The following AMOTL1 variants were observed in gnomAD, a reference collection of about 807,000 sequenced individuals.
AMOTL1 encodes angiomotin-like protein 1.
Under a neutral mutation model 102.9 loss-of-function variants are expected in AMOTL1, and 45 were observed. That is an observed-to-expected ratio of 0.44 (90% CI 0.34 to 0.56). AMOTL1 has a LOEUF of 0.56. Ranked by LOEUF, AMOTL1 falls within the 20% of genes least tolerant of loss-of-function variation. The pLI, the probability that AMOTL1 is intolerant of heterozygous loss-of-function variation, is 0.01. For missense variants in AMOTL1, 1,114 were observed against 1,225.6 expected, an observed-to-expected ratio of 0.91 and a Z score of 1.36; for synonymous variants, 481 against 484.7, an observed-to-expected ratio of 0.99 and a Z score of 0.10.
intron 8 of AMOTL1, among the ~76,000 whole-genome samples, chr11:94,858,013 G>C (rs771418549): frequency 8.5e-5 from 13 of 152,132 alleles, no homozygotes; most frequent in Non-Finnish European, 1.5e-4. Flanking sequence ...CTGAATTAGG[G>C]GGGGCTATGA....
In AMOTL1 at chr11:94,821,840, G is replaced by A; in HGVS notation, c.1413+19G>A. The A allele has an allele frequency of 1.2e-6, 2 of 1,607,872 alleles. No homozygotes were observed. The highest frequency in any genetic ancestry group is 1.7e-5 in the Admixed American group (1 of 59,782). On this transcript the variant is annotated intron_variant, in intron 4 of 12. Coordinates refer to ENST00000433060, the MANE Select transcript of AMOTL1 (RefSeq NM_130847.3). ...CCACAAGGTGCGTGACTTCCCTGGGGAATGGGAGGGAGACAAATTCTTTAC... is the reference window on the plus strand; with the variant it reads ...CCACAAGGTGCGTGACTTCCCTGGGAAATGGGAGGGAGACAAATTCTTTAC...
At chr11:94,734,072 C>A (rs1950398722) in intron 2 of AMOTL1, among the ~76,000 whole-genome samples, 1 of 152,348 alleles carries the variant, frequency 6.6e-6, no homozygotes. Context: ...TTGTTGATAG[C>A]ACCTCCTGCA....
chr11:94,858,512 G>A (rs1273503323), intron 8 of AMOTL1, among the ~76,000 whole-genome samples: 2 of 152,134 alleles, frequency 1.3e-5, no homozygotes, highest in East Asian at 1.9e-4. Context: ...CTTAATCTAG[G>A]GGATTATGTG....
At chr11:94,737,261 C>T (rs2851575) in intron 2 of AMOTL1, among the ~76,000 whole-genome samples, 143,856 of 152,306 alleles carry the variant, frequency 0.94, 68,455 homozygotes, top group East Asian at 1. Flanking sequence ...AGTAACCAGC[C>T]TTCAAGCCAA....
upstream of AMOTL1, chr11:94,768,249 C>T: frequency 1.7e-6 from 2 of 1,204,062 alleles, no homozygotes; most frequent in Non-Finnish European, 2.1e-6. Flanking sequence ...CTCTAGGGCC[C>T]AGCGGCCGGG....
chr11:94,743,950 A>G (rs893510956), intron 3 of AMOTL1, among the ~76,000 whole-genome samples: 3 of 152,166 alleles, frequency 2.0e-5, no homozygotes, highest in African/African-American at 7.2e-5. Flanking sequence ...GGCGTGAGCC[A>G]CTGTGCCTGG....
intron 4 of AMOTL1, among the ~76,000 whole-genome samples, chr11:94,827,274 G>A (rs945291696): frequency 2.0e-5 from 3 of 152,154 alleles, no homozygotes; most frequent in Non-Finnish European, 4.4e-5. Context: ...TGTGGGTGTA[G>A]CTAAGGAAGC....
At chr11:94,846,756 A>C (rs1952421435) in intron 6 of AMOTL1, among the ~76,000 whole-genome samples, 1 of 152,244 alleles carries the variant, frequency 6.6e-6, no homozygotes, top group Non-Finnish European at 1.5e-5. Context: ...TATAAATGCA[A>C]CTTCTATTTC....
At chr11:94,820,650 A>T (rs923006805) in intron 3 of AMOTL1, among the ~76,000 whole-genome samples, 2 of 152,138 alleles carry the variant, frequency 1.3e-5, no homozygotes, top group African/African-American at 4.8e-5. Context: ...TTATTATTAC[A>T]TTGTAATATA....
upstream of AMOTL1, among the ~76,000 whole-genome samples, chr11:94,767,825 G>A (rs373021637): frequency 6.6e-6 from 1 of 151,634 alleles, no homozygotes; most frequent in Non-Finnish European, 1.5e-5. Context: ...TTTAATATCC[G>A]AGGCTGTCAG....
chr11:94,821,452 G>A, intron 3 of AMOTL1, 78 bp from the exon 4 acceptor site: 5 of 1,447,416 alleles, frequency 3.5e-6, no homozygotes, highest in Non-Finnish European at 4.7e-6. Flanking sequence ...GCCATCAACA[G>A]TGCCAGTATT....
intron 1 of AMOTL1, among the ~76,000 whole-genome samples, chr11:94,771,725 C>T (rs765393761): frequency 2.6e-5 from 4 of 152,076 alleles, no homozygotes; most frequent in African/African-American, 4.8e-5. Flanking sequence ...TCTGCTCTCA[C>T]GGCCAGGCCT....
intron 8 of AMOTL1, among the ~76,000 whole-genome samples, chr11:94,856,555 G>C (rs1231415330): frequency 6.6e-6 from 1 of 152,146 alleles, no homozygotes; most frequent in Non-Finnish European, 1.5e-5. Flanking sequence ...AGGGGATCCA[G>C]GGCCTCTCTG....
intron 2 of AMOTL1, among the ~76,000 whole-genome samples, chr11:94,735,964 C>T (rs1394154838): frequency 2.0e-5 from 3 of 152,186 alleles, no homozygotes; most frequent in African/African-American, 7.2e-5. Flanking sequence ...CCCATCAACT[C>T]ACGATATATC....
intron 5 of AMOTL1, among the ~76,000 whole-genome samples, 172 bp downstream of exon 5, chr11:94,830,366 G>T (rs895553330): frequency 1.3e-5 from 2 of 152,150 alleles, no homozygotes; most frequent in African/African-American, 4.8e-5. Context: ...AAGCAGAATT[G>T]TTCTTTTCTG....
chr11:94,780,505 C>T (rs767861324), intron 1 of AMOTL1, among the ~76,000 whole-genome samples: 2 of 152,156 alleles, frequency 1.3e-5, no homozygotes, highest in Non-Finnish European at 2.9e-5. Context: ...ATAGTCTGAC[C>T]TAAACAAAAC....
chr11:94,719,912 G>T (rs1281008852), intron 1 of AMOTL1, among the ~76,000 whole-genome samples: 1 of 152,052 alleles, frequency 6.6e-6, no homozygotes, highest in Admixed American at 6.5e-5. Context: ...GGCACCCAAG[G>T]ATCTGCCCCC....
intron 3 of AMOTL1, among the ~76,000 whole-genome samples, chr11:94,744,112 A>G (rs867651070): frequency 1.6e-4 from 25 of 152,238 alleles, no homozygotes; most frequent in Non-Finnish European, 1.0e-4. Flanking sequence ...TTAAGAGCTC[A>G]GTCCTGCAAG....
chr11:94,747,364 G>A (rs1217410818), intron 3 of AMOTL1, among the ~76,000 whole-genome samples: 1 of 152,124 alleles, frequency 6.6e-6, no homozygotes, highest in East Asian at 1.9e-4. Flanking sequence ...AGTGCCAGGA[G>A]AGGAGTGTGT....
Sources: allele counts gnomAD v4.1 joint callset (sites outside exome capture counted in the v4.1 genomes callset), GRCh38; gene constraint gnomAD v4.1.1; transcripts MANE v1.5; gene names NCBI Gene and HGNC (gene_info 2026-07-23, HGNC 2026-07-21).